Variants in SLC4A5 observed in about 807,000 individuals in gnomAD.
SLC4A5 encodes the protein electrogenic sodium bicarbonate cotransporter 4.
In SLC4A5, 96 loss-of-function variants were observed where a neutral mutation model predicts 120.4. The ratio of observed to expected loss-of-function variants is 0.80; its 90% CI spans 0.68 to 0.94. SLC4A5 has a LOEUF of 0.94. Among genes scored for constraint, SLC4A5 ranks in the 40% least tolerant of loss-of-function variants. The pLI is 0.00. For synonymous variants in SLC4A5, 550 were observed against 571.1 expected, an observed-to-expected ratio of 0.96 and a Z score of 0.53; for missense variants, 1,259 against 1,459.5, an observed-to-expected ratio of 0.86 and a Z score of 2.24.
chr2:74,231,523 T>C (rs909590717), intron 24 of SLC4A5, among the ~76,000 whole-genome samples: 1 of 152,076 alleles, frequency 6.6e-6, no homozygotes, highest in African/African-American at 2.4e-5. Context: ...TGCAGGAGCA[T>C]TGAGGGAGGC....
At chr2:74,226,821 C>T (rs1232992061) in intron 27 of SLC4A5, 136 bp downstream of exon 27, 3 of 1,001,898 alleles carry the variant, frequency 3.0e-6, no homozygotes, top group Admixed American at 2.2e-5. Flanking sequence ...CATTCTGTGC[C>T]AGCCTCCGTG....
chr2:74,233,253 C>T (rs776101660), intron 23 of SLC4A5, 149 bp downstream of exon 23: 13 of 938,778 alleles, frequency 1.4e-5, no homozygotes, highest in East Asian at 5.2e-5. Context: ...GGTCACATTT[C>T]CCCCTCAACA....
At chr2:74,242,124 C>T in intron 19 of SLC4A5, 72 bp from the exon 20 acceptor site, 1 of 1,388,192 alleles carries the variant, frequency 7.2e-7, no homozygotes, top group African/African-American at 1.4e-5. Flanking sequence ...CAACCCCTTC[C>T]CATCTCCTTC....
At chr2:74,235,624 A>T (rs576616473) in intron 21 of SLC4A5, among the ~76,000 whole-genome samples, 43 of 152,296 alleles carry the variant, frequency 2.8e-4, no homozygotes, top group Non-Finnish European at 5.1e-4. Context: ...TGGACTCTGA[A>T]GCAAACCTTA....
At chr2:74,270,751 C>T (rs933017174) in intron 8 of SLC4A5, among the ~76,000 whole-genome samples, 10 of 152,194 alleles carry the variant, frequency 6.6e-5, no homozygotes, top group African/African-American at 1.4e-4. Flanking sequence ...TGGAAACTCC[C>T]GGGTTATCTG....
chr2:74,244,556 TTC>T (rs1292611589), intron 19 of SLC4A5, among the ~76,000 whole-genome samples: 2 of 151,504 alleles, frequency 1.3e-5, no homozygotes, highest in Non-Finnish European at 2.9e-5. Flanking sequence ...TCCTCTTCTC[TTC>T]TCTCTTCTTC....
chr2:74,242,032 C>A, exon 20 of SLC4A5: 1 of 1,606,990 alleles, frequency 6.2e-7, no homozygotes, highest in Non-Finnish European at 8.5e-7. Flanking sequence ...GGGGCTGAAG[C>A]ATTGAACACG....
chr2:74,269,393 T>TGTTG (rs1386195689), intron 8 of SLC4A5, among the ~76,000 whole-genome samples: 5 of 151,952 alleles, frequency 3.3e-5, no homozygotes, highest in South Asian at 2.1e-4. Flanking sequence ...TTTGTTTGTT[T>TGTTG]GTTTGTTTGT....
exon 31 of SLC4A5, chr2:74,218,398 A>G (rs1331513219): frequency 6.6e-6 from 1 of 152,224 alleles, no homozygotes; most frequent in East Asian, 1.9e-4. Flanking sequence ...TCTATGCTGA[A>G]CTGCATTTTA....
At chr2:74,333,188 G>A (rs2104346034) in intron 4 of SLC4A5, among the ~76,000 whole-genome samples, 1 of 152,242 alleles carries the variant, frequency 6.6e-6, no homozygotes, top group Admixed American at 6.5e-5. Context: ...AGTGGGTAGT[G>A]GTCAGAAATG....
At chr2:74,341,018 A>G (rs1673611229) in intron 2 of SLC4A5, among the ~76,000 whole-genome samples, 1 of 152,190 alleles carries the variant, frequency 6.6e-6, no homozygotes, top group South Asian at 2.1e-4. Flanking sequence ...AATAAATGTA[A>G]AAGAGGCTGG....
chr2:74,276,695 A>ATTCATTACTACAGGTATGAAAGACATG (rs1397555488), intron 8 of SLC4A5, among the ~76,000 whole-genome samples: 4 of 152,302 alleles, frequency 2.6e-5, no homozygotes, highest in African/African-American at 9.6e-5. Flanking sequence ...TGAAAGACAT[A>ATTCATTACTACAGGTATGAAAGACATG]TTTGGGGTGT....
intron 29 of SLC4A5, among the ~76,000 whole-genome samples, chr2:74,222,348 CG>C (rs1433681123): frequency 6.6e-6 from 1 of 152,130 alleles, no homozygotes; most frequent in African/African-American, 2.4e-5. Context: ...GAGAATTAGT[CG>C]AGTCTGCAGG....
rs143190877 is a variant in SLC4A5, at chr2:74,243,374, G to A, written c.2060-1322C>T. Among the ~76,000 whole-genome samples the A allele has an allele frequency of 6.6e-5, 10 of 152,284 alleles. No individual in the cohort carries two copies. In the East Asian group the frequency reaches 1.7e-3, roughly 26 times the overall value. ...CTCTCTCTTCTTCCTGAACTGCTACGTTGCTCACTCCCAGGCCTGCTGACG... is the reference window on the plus strand; with the variant it reads ...CTCTCTCTTCTTCCTGAACTGCTACATTGCTCACTCCCAGGCCTGCTGACG... On this transcript the variant is annotated intron_variant, in intron 19 of 30. Transcript: ENST00000394019.
At chr2:74,326,603 G>A (rs769281408) in intron 5 of SLC4A5, among the ~76,000 whole-genome samples, 3 of 152,076 alleles carry the variant, frequency 2.0e-5, no homozygotes, top group East Asian at 1.9e-4. Context: ...GGCAGATCAC[G>A]AGGTCAGGAG....
intron 19 of SLC4A5, among the ~76,000 whole-genome samples, chr2:74,244,338 T>G (rs942042994): frequency 6.6e-6 from 1 of 152,172 alleles, no homozygotes; most frequent in African/African-American, 2.4e-5. Flanking sequence ...TACATCTGCT[T>G]GGACCCTACT....
At chr2:74,234,213 A>T (rs2001802) in intron 22 of SLC4A5, among the ~76,000 whole-genome samples, 2 of 145,110 alleles carry the variant, frequency 1.4e-5, no homozygotes, top group Admixed American at 6.9e-5. Flanking sequence ...GAGTCTTGTT[A>T]TGTTACCCAG....
chr2:74,296,543 A>G (rs1411887662), intron 7 of SLC4A5, among the ~76,000 whole-genome samples: 1 of 149,530 alleles, frequency 6.7e-6, no homozygotes, highest in Non-Finnish European at 1.5e-5. Context: ...CAGGTGGATC[A>G]CTTGAGTCAC....
intron 28 of SLC4A5, among the ~76,000 whole-genome samples, chr2:74,223,695 G>A (rs976131699): frequency 6.6e-5 from 10 of 152,186 alleles, no homozygotes; most frequent in Non-Finnish European, 1.5e-4. Context: ...TTTATTGAAA[G>A]TATCAACAAA....
Sources: allele counts gnomAD v4.1 joint callset (sites outside exome capture counted in the v4.1 genomes callset), GRCh38; gene constraint gnomAD v4.1.1; transcripts MANE v1.5; gene names NCBI Gene and HGNC (gene_info 2026-07-23, HGNC 2026-07-21).